Variants in EYS observed in about 807,000 individuals in gnomAD.
The protein encoded by EYS is protein eyes shut homolog.
A neutral mutation model predicts 282.1 loss-of-function variants in EYS; 250 were observed. The observed-to-expected ratio is 0.89, with a 90% CI of 0.80 to 0.98. The LOEUF is 0.98. EYS is among the 50% of genes least tolerant of loss of function. The pLI, the probability that EYS is intolerant of heterozygous loss-of-function variation, is 0.00. For synonymous variants in EYS, 1,355 were observed against 1,282.9 expected (o/e 1.06, Z -1.20); for missense variants, 4,016 against 3,709.0 (o/e 1.08, Z -2.15).
chr6:65,505,270 A>G (rs957280383), intron 2 of EYS, among the ~76,000 whole-genome samples: 3 of 147,842 alleles, frequency 2.0e-5, no homozygotes, highest in Non-Finnish European at 4.5e-5. Context: ...GATTTATTAT[A>G]TTAATAACTT....
At chr6:64,050,717 A>G (rs185777660) in intron 33 of EYS, among the ~76,000 whole-genome samples, 1 of 152,284 alleles carries the variant, frequency 6.6e-6, no homozygotes, top group East Asian at 1.9e-4. Context: ...TTAGGAGAAA[A>G]TTATATCTGA....
intron 35 of EYS, among the ~76,000 whole-genome samples, chr6:63,917,897 C>T (rs573906072): frequency 6.6e-6 from 1 of 152,298 alleles, no homozygotes; most frequent in East Asian, 1.9e-4. Flanking sequence ...AAGCCCTTAA[C>T]AAAGTACACA....
intron 28 of EYS, among the ~76,000 whole-genome samples, chr6:64,423,732 C>T (rs546179350): frequency 1.4e-4 from 21 of 152,058 alleles, no homozygotes; most frequent in Admixed American, 2.6e-4. Flanking sequence ...TGCTTGAACT[C>T]GGAAGGCAGA....
chr6:65,100,763 T>C (rs1409097094), intron 12 of EYS, among the ~76,000 whole-genome samples: 1 of 145,982 alleles, frequency 6.9e-6, no homozygotes, highest in Non-Finnish European at 1.5e-5. Context: ...ACTGCCTCTA[T>C]AAAAGCTCCA....
At chr6:64,251,996 A>T (rs986072219) in intron 30 of EYS, among the ~76,000 whole-genome samples, 1 of 152,194 alleles carries the variant, frequency 6.6e-6, no homozygotes, top group Non-Finnish European at 1.5e-5. Flanking sequence ...AGTGTAAAAA[A>T]TTCTCAGTAC....
chr6:64,088,338 ATAT>A (rs1772231123), intron 31 of EYS, among the ~76,000 whole-genome samples: 1 of 152,076 alleles, frequency 6.6e-6, no homozygotes, highest in African/African-American at 2.4e-5. Flanking sequence ...ATAGTATACT[ATAT>A]TACTTATAGT....
chr6:64,074,945 CACTAACTTGGGTT>C (rs1342688270), intron 32 of EYS, among the ~76,000 whole-genome samples: 7 of 151,922 alleles, frequency 4.6e-5, no homozygotes, highest in Non-Finnish European at 1.0e-4. Flanking sequence ...CAATAGCTCA[CACTAACTTGGGTT>C]CAAATCTATC....
At chr6:65,401,014 T>C (rs1205161779) in intron 7 of EYS, among the ~76,000 whole-genome samples, 1 of 151,950 alleles carries the variant, frequency 6.6e-6, no homozygotes, top group Non-Finnish European at 1.5e-5. Flanking sequence ...AATGTACATT[T>C]GCAATCCTCA....
intron 22 of EYS, among the ~76,000 whole-genome samples, chr6:64,759,167 A>C (rs1356936723): frequency 2.6e-5 from 4 of 151,468 alleles, no homozygotes; most frequent in African/African-American, 9.7e-5. Flanking sequence ...AAAGAAAAAA[A>C]ATTAGTCTGA....
rs1332207666 is a variant in EYS at position 65,340,250 on chromosome 6, A to C, written c.1599+3788T>G. ...TCATAATAATATATAATTTCATAACATTTTTGTAGCATGGTTGTAGAAAAT... is the reference window on the plus strand; with the variant it reads ...TCATAATAATATATAATTTCATAACCTTTTTGTAGCATGGTTGTAGAAAAT... On this transcript the variant is annotated intron_variant, in intron 10 of 42. Coordinates refer to ENST00000503581, the MANE Select transcript of EYS (RefSeq NM_001142800.2). Among the ~76,000 whole-genome samples the C allele has an allele frequency of 2.6e-5, 4 of 151,110 alleles. No individual in the cohort carries two copies. In the South Asian group the frequency reaches 6.2e-4, roughly 24 times the overall value.
At chr6:65,578,729 AC>A (rs1240306539) in intron 2 of EYS, among the ~76,000 whole-genome samples, 1 of 152,104 alleles carries the variant, frequency 6.6e-6, no homozygotes, top group African/African-American at 2.4e-5. Context: ...TTTTTACTTA[AC>A]TAAAAATTAA....
chr6:64,186,236 A>G (rs545008546), intron 31 of EYS, among the ~76,000 whole-genome samples: 5 of 135,902 alleles, frequency 3.7e-5, no homozygotes, highest in African/African-American at 8.4e-5. Context: ...ATACAGGCTT[A>G]TATGTGTGTT....
chr6:64,264,407 C>T (rs1767687757), intron 30 of EYS, among the ~76,000 whole-genome samples: 1 of 152,102 alleles, frequency 6.6e-6, no homozygotes. Context: ...CTACTGATTT[C>T]TGTTCCACAA....
chr6:64,883,834 C>A (rs111958482), intron 19 of EYS, among the ~76,000 whole-genome samples: 1 of 101,908 alleles, frequency 9.8e-6, no homozygotes, highest in Non-Finnish European at 2.0e-5. Context: ...ACTACCACTA[C>A]GTGTGTAAAT....
chr6:63,837,396 T>C (rs1202900247), intron 36 of EYS, among the ~76,000 whole-genome samples: 3 of 152,074 alleles, frequency 2.0e-5, no homozygotes, highest in Non-Finnish European at 4.4e-5. Context: ...TATCTCTGTT[T>C]ATGTCATTTT....
chr6:64,998,836 G>A (rs1243914744), intron 13 of EYS, among the ~76,000 whole-genome samples: 2 of 152,076 alleles, frequency 1.3e-5, no homozygotes, highest in African/African-American at 2.4e-5. Context: ...AAGACATTGT[G>A]GAGTGTCATC....
chr6:64,849,618 G>T (rs1379647060), intron 19 of EYS, among the ~76,000 whole-genome samples: 1 of 152,014 alleles, frequency 6.6e-6, no homozygotes, highest in Non-Finnish European at 1.5e-5. Flanking sequence ...AAAATTAGTT[G>T]TTGGCCAGAC....
At chr6:63,856,812 CTT>C (rs1772403710) in intron 36 of EYS, among the ~76,000 whole-genome samples, 1 of 151,936 alleles carries the variant, frequency 6.6e-6, no homozygotes, top group Non-Finnish European at 1.5e-5. Context: ...ATTTTATAAA[CTT>C]ATAATTTATC....
At chr6:64,218,771 C>G (rs934267193) in intron 31 of EYS, among the ~76,000 whole-genome samples, 8 of 152,112 alleles carry the variant, frequency 5.3e-5, no homozygotes, top group African/African-American at 1.9e-4. Flanking sequence ...GCTGGAGTAG[C>G]CGGCAAAGTT....
Sources: gnomAD v4.1 joint callset for allele counts (sites outside exome capture counted in the v4.1 genomes callset) on GRCh38, gnomAD v4.1.1 for gene constraint, MANE v1.5 for transcripts, NCBI Gene and HGNC (gene_info 2026-07-23, HGNC 2026-07-21) for gene names.